Variants in TMPRSS3 observed in about 807,000 individuals in gnomAD.
TMPRSS3 encodes transmembrane protease serine 3.
Under a neutral mutation model 59.6 loss-of-function variants are expected in TMPRSS3, and 55 were observed. That is an observed-to-expected ratio of 0.92 (90% CI 0.74 to 1.16). TMPRSS3 has a LOEUF of 1.16. TMPRSS3 is among the 50% of genes most tolerant of loss of function. The pLI is 0.00. For missense variants in TMPRSS3, 596 were observed against 579.4 expected (o/e 1.03, Z -0.29); for synonymous variants, 257 against 237.7 (o/e 1.08, Z -0.75).
chr21:42,385,893 G>T (rs1053402451), intron 5 of TMPRSS3, among the ~76,000 whole-genome samples: 5 of 152,134 alleles, frequency 3.3e-5, no homozygotes, highest in African/African-American at 1.2e-4. Flanking sequence ...AGTCCAGAGG[G>T]GAGGTGAGCA....
In TMPRSS3 at chr21:42,376,813, C is replaced by G; in HGVS notation, c.1049-130G>C. The G allele has an allele frequency of 2.9e-6, 4 of 1,399,104 alleles. No individual in the cohort carries two copies. The East Asian group carries it at 6.9e-5, about 24-fold the overall frequency. The allele number at this position is 1,399,104 out of a possible 1,614,324, so 86.7% of individuals were successfully genotyped here. On this transcript the variant is annotated intron_variant, in intron 10 of 12. Transcript: ENST00000644384. ...GATGCTCTCTGGTGTGTCGCAACAG[C>G]GGAAAAGGACAGGGCCCTGCGGGTG...
At chr21:42,382,861 C>T in intron 8 of TMPRSS3, 172 bp downstream of exon 8, 1 of 765,002 alleles carries the variant, frequency 1.3e-6, no homozygotes, top group Non-Finnish European at 2.2e-6. Context: ...TTACCCCCAG[C>T]TGATGATGAT....
chr21:42,380,425 C>T (rs963580038), intron 9 of TMPRSS3, among the ~76,000 whole-genome samples: 1 of 152,124 alleles, frequency 6.6e-6, no homozygotes. Flanking sequence ...GAGCCCTCCA[C>T]CGTCGCAGCG....
At chr21:42,389,862 G>A (rs551583177) in intron 3 of TMPRSS3, 65 bp downstream of exon 3, 82 of 1,203,526 alleles carry the variant, frequency 6.8e-5, no homozygotes, top group East Asian at 3.5e-4. Flanking sequence ...GAGAGGGGGC[G>A]CTCATGAAAG....
chr21:42,386,859 A>G (rs1305357644), intron 5 of TMPRSS3, among the ~76,000 whole-genome samples: 1 of 152,188 alleles, frequency 6.6e-6, no homozygotes, highest in Non-Finnish European at 1.5e-5. Flanking sequence ...AAGATTAAAG[A>G]AGGATTTTAA....
intron 11 of TMPRSS3, 127 bp downstream of exon 11, chr21:42,376,414 T>G: frequency 7.3e-7 from 1 of 1,363,288 alleles, no homozygotes; most frequent in East Asian, 2.5e-5. Flanking sequence ...AGTGATATCT[T>G]GAGCAAATTT....
intron 7 of TMPRSS3, chr21:42,383,737 C>T (rs753321258): frequency 9.9e-6 from 7 of 706,068 alleles, no homozygotes; most frequent in South Asian, 6.0e-5. Flanking sequence ...GGCCTTGGTC[C>T]TGTCCGCTGC....
intron 10 of TMPRSS3, 97 bp downstream of exon 10, chr21:42,380,020 C>T (rs193158394): frequency 9.7e-7 from 1 of 1,025,752 alleles, no homozygotes; most frequent in Admixed American, 2.0e-5. Context: ...TCTGGGCAGC[C>T]CATGGGAACA....
chr21:42,388,027 G>A lies in TMPRSS3; in HGVS notation c.446+376C>T, dbSNP rs776998550. 3.3e-5 allele frequency among the ~76,000 whole-genome samples: 5 copies of A among 152,208 alleles called. No individual in the cohort carries two copies. The highest frequency in any genetic ancestry group is 6.5e-5 in the Admixed American group (1 of 15,284). On this transcript the variant is annotated intron_variant, in intron 5 of 12. Transcript: ENST00000644384. The surrounding 1 kb of genome is among the most constrained non-coding windows in gnomAD (Gnocchi z 5.1). ...AGCGTGCATGGACATTGATGTGACC[G>A]CCAGGACCAAGCAGGAAAGTGTCCA... is the stretch of plus-strand genomic sequence containing the variant.
chr21:42,380,273 T>C, intron 9 of TMPRSS3, 61 bp from the exon 10 acceptor site: 1 of 1,377,138 alleles, frequency 7.3e-7, no homozygotes, highest in South Asian at 1.2e-5. Context: ...GAAAACAATC[T>C]CATCTATGCT....
intron 12 of TMPRSS3, among the ~76,000 whole-genome samples, 188 bp downstream of exon 12, chr21:42,375,528 C>G (rs2052410122): frequency 6.6e-6 from 1 of 152,090 alleles, no homozygotes; most frequent in Non-Finnish European, 1.5e-5. Flanking sequence ...CCCAGAGCTG[C>G]CCAGGACTAG....
Sources: gnomAD v4.1 joint callset for allele counts (sites outside exome capture counted in the v4.1 genomes callset) on GRCh38, gnomAD v4.1.1 for gene constraint, Gnocchi (gnomAD v3.1) non-coding constraint, MANE v1.5 for transcripts, NCBI Gene and HGNC (gene_info 2026-07-23, HGNC 2026-07-21) for gene names.